Variants in PRDM16 observed in about 807,000 individuals in gnomAD.
The protein encoded by PRDM16 is histone-lysine N-methyltransferase PRDM16.
A neutral mutation model predicts 110.6 loss-of-function variants in PRDM16; 23 were observed. The ratio of observed to expected loss-of-function variants is 0.21; its 90% confidence interval spans 0.15 to 0.29. PRDM16 has a LOEUF of 0.29. PRDM16 is among the 10% of genes least tolerant of loss of function. PRDM16 has a pLI of 1.00. For missense variants in PRDM16, 1,615 were observed against 1,794.3 expected (o/e 0.90, Z 1.81); for synonymous variants, 799 against 781.8 (o/e 1.02, Z -0.37).
intron 3 of PRDM16, among the ~76,000 whole-genome samples, chr1:3,366,497 C>T (rs543864423): frequency 6.6e-6 from 1 of 152,240 alleles, no homozygotes; most frequent in Non-Finnish European, 1.5e-5. Context: ...TCCCAGCCTC[C>T]GTAGCCTGCT....
At chr1:3,173,255 C>T (rs114715810) in intron 1 of PRDM16, among the ~76,000 whole-genome samples, 79 of 152,286 alleles carry the variant, frequency 5.2e-4, no homozygotes, top group African/African-American at 1.8e-3. Context: ...GAAAAAAGGC[C>T]AAATCACATC....
intron 2 of PRDM16, among the ~76,000 whole-genome samples, chr1:3,191,205 T>C (rs1213512818): frequency 6.6e-6 from 1 of 152,176 alleles, no homozygotes; most frequent in South Asian, 2.1e-4. Flanking sequence ...ATTGATGGGG[T>C]TTCAATTATT....
chr1:3,200,847 A>T (rs2100827157), intron 2 of PRDM16, among the ~76,000 whole-genome samples: 1 of 152,260 alleles, frequency 6.6e-6, no homozygotes, highest in Non-Finnish European at 1.5e-5. Context: ...CTGTGGACTC[A>T]GCACAGAGCT....
At chr1:3,164,283 G>A (rs1643925183) in intron 1 of PRDM16, among the ~76,000 whole-genome samples, 1 of 152,268 alleles carries the variant, frequency 6.6e-6, no homozygotes, top group Non-Finnish European at 1.5e-5. Flanking sequence ...GGCGAACAGT[G>A]TAATAGGAAA....
intron 8 of PRDM16, among the ~76,000 whole-genome samples, chr1:3,411,110 G>A (rs907401165): frequency 5.3e-5 from 8 of 152,234 alleles, no homozygotes; most frequent in South Asian, 2.1e-4. Flanking sequence ...AGACACGCAC[G>A]CTTGCAGAAT....
chr1:3,386,307 G>A (rs10492939), intron 4 of PRDM16, among the ~76,000 whole-genome samples: 37,605 of 152,170 alleles, frequency 0.25, 5,919 homozygotes, highest in East Asian at 0.61. Flanking sequence ...ACATTCCCGC[G>A]TAGCCTGTGC....
intron 3 of PRDM16, among the ~76,000 whole-genome samples, chr1:3,379,277 C>G (rs1350405352): frequency 1.0e-4 from 5 of 47,932 alleles, no homozygotes; most frequent in East Asian, 6.3e-4. Context: ...TCCCAACACA[C>G]CCCTCCCAAC....
intron 1 of PRDM16, among the ~76,000 whole-genome samples, chr1:3,087,419 G>A (rs752265800): frequency 1.8e-4 from 27 of 152,240 alleles, no homozygotes; most frequent in Non-Finnish European, 2.5e-4. Flanking sequence ...AGTCCTGGAC[G>A]TCCCACTCTG....
At chr1:3,097,311 G>A (rs918496839) in intron 1 of PRDM16, among the ~76,000 whole-genome samples, 3 of 152,212 alleles carry the variant, frequency 2.0e-5, no homozygotes, top group Non-Finnish European at 4.4e-5. Context: ...AGGACGTGAC[G>A]GTGTCTGCCT....
chr1:3,426,359 CA>C, intron 14 of PRDM16, 134 bp downstream of exon 14: 1 of 662,440 alleles, frequency 1.5e-6, no homozygotes, highest in Non-Finnish European at 2.5e-6. Flanking sequence ...GGGGCCTCAC[CA>C]CAGAGGGTGA....
intron 3 of PRDM16, among the ~76,000 whole-genome samples, chr1:3,285,295 GT>G (rs1001288549): frequency 1.3e-5 from 2 of 152,110 alleles, no homozygotes; most frequent in African/African-American, 4.8e-5. Context: ...CCACCTGGGC[GT>G]TCTGATTACC....
chr1:3,169,381 G>A (rs979447021), intron 1 of PRDM16, among the ~76,000 whole-genome samples: 2 of 152,120 alleles, frequency 1.3e-5, no homozygotes, highest in Middle Eastern at 3.2e-3. Flanking sequence ...TGGGAGCCCC[G>A]TCCCTAGCGA....
intron 2 of PRDM16, among the ~76,000 whole-genome samples, chr1:3,229,314 A>T (rs1301454496): frequency 6.6e-6 from 1 of 152,112 alleles, no homozygotes; most frequent in Non-Finnish European, 1.5e-5. Flanking sequence ...GTCAGGGAGG[A>T]CTGTGAGATC....
At chr1:3,278,226 A>G (rs867717341) in intron 3 of PRDM16, among the ~76,000 whole-genome samples, 5 of 152,250 alleles carry the variant, frequency 3.3e-5, no homozygotes, top group South Asian at 2.1e-4. Context: ...AGACCCCCTC[A>G]AGGCCATGCT....
chr1:3,105,391 G>A (rs1225904103), intron 1 of PRDM16, among the ~76,000 whole-genome samples: 1 of 152,226 alleles, frequency 6.6e-6, no homozygotes, highest in African/African-American at 2.4e-5. Context: ...CTGTGCATGG[G>A]CGCATGGTCT....
chr1:3,290,531 G>A lies in PRDM16; in HGVS notation c.438+46394G>A, dbSNP rs148059808. On this transcript the variant is annotated intron_variant, in intron 3 of 16. Coordinates refer to ENST00000270722, the MANE Select transcript of PRDM16 (RefSeq NM_022114.4). The surrounding 1 kb of genome is among the most constrained non-coding windows in gnomAD (Gnocchi z 4.8). The stretch of plus-strand genomic sequence containing the variant: ...CCTGTGTCTGGCCAGCCCCTCCCAT[G>A]CTGAGGACAGAGGTGAATGCTTGGG... Among the ~76,000 whole-genome samples the A allele has an allele frequency of 1.0e-3, 157 of 152,336 alleles. No individual in the cohort carries two copies. The highest frequency in any genetic ancestry group is 3.4e-3 in the African/African-American group (141 of 41,576).
Position 3,292,963 on chromosome 1 carries a change from C to T in PRDM16, c.438+48826C>T, listed in dbSNP as rs1182422517. Among the ~76,000 whole-genome samples, 4 of 152,350 alleles carry T rather than the reference C, an allele frequency of 2.6e-5. No homozygotes were observed. The East Asian group carries it at 7.7e-4, about 29-fold the overall frequency. On this transcript the variant is annotated intron_variant, in intron 3 of 16. Transcript: ENST00000270722. ...CTGTGGGTTGACCCTCACGGAGGCACTCCGCTCCGGGCATGACCTCGGACT... is the reference window on the plus strand; with the variant it reads ...CTGTGGGTTGACCCTCACGGAGGCATTCCGCTCCGGGCATGACCTCGGACT...
chr1:3,130,102 G>C (rs1643302982), intron 1 of PRDM16, among the ~76,000 whole-genome samples: 2 of 152,274 alleles, frequency 1.3e-5, no homozygotes, highest in South Asian at 4.1e-4. Flanking sequence ...ACAGGTCCTG[G>C]GCTGCGTGCT....
At chr1:3,117,736 A>G (rs1326185834) in intron 1 of PRDM16, among the ~76,000 whole-genome samples, 1 of 152,114 alleles carries the variant, frequency 6.6e-6, no homozygotes, top group Non-Finnish European at 1.5e-5. Context: ...GGGCTGAGCC[A>G]CAGGCCCGGG....
Sources: gnomAD v4.1 joint callset for allele counts (sites outside exome capture counted in the v4.1 genomes callset) on GRCh38, gnomAD v4.1.1 for gene constraint, Gnocchi (gnomAD v3.1) non-coding constraint, MANE v1.5 for transcripts, NCBI Gene and HGNC (gene_info 2026-07-23, HGNC 2026-07-21) for gene names.